PANK4: variants seen among roughly 807,000 people sequenced by gnomAD.
PANK4 encodes 4'-phosphopantetheine phosphatase.
PANK4 carries 40 observed loss-of-function variants against 87.9 expected under a neutral mutation model. The observed-to-expected ratio is 0.46, with a 90% confidence interval of 0.35 to 0.59. The LOEUF is 0.59. Among genes scored for constraint, PANK4 ranks in the 20% least tolerant of loss-of-function variants. The pLI is 0.00. For synonymous variants in PANK4, 524 were observed against 467.4 expected (o/e 1.12, Z -1.56); for missense variants, 926 against 1,072.3 (o/e 0.86, Z 1.90).
chr1:2,510,000 G>T lies in PANK4; in HGVS notation c.2039+57C>A. The T allele has an allele frequency of 6.3e-7, 1 of 1,575,666 alleles. No homozygotes were observed. The highest frequency in any genetic ancestry group is 8.7e-7 in the Non-Finnish European group (1 of 1,153,734). On this transcript the variant is annotated intron_variant, in intron 17 of 18. Coordinates refer to ENST00000378466, the MANE Select transcript of PANK4 (RefSeq NM_018216.4). This position sits in a 1 kb window ranked among gnomAD's most constrained non-coding sequence, Gnocchi z 4.9. The stretch of plus-strand genomic sequence containing the variant: ...AGTGACAATCCCCATGGCCCACTCT[G>T]CCCAGCTGGTGCCCCTCCCCATCAA...
rs1250409189 is a variant in PANK4 at position 2,515,559 on chromosome 1, C to T, written c.1374+3G>A. 4 of 1,612,352 alleles carry T rather than the reference C, an allele frequency of 2.5e-6. No individual in the cohort carries two copies. The highest frequency in any genetic ancestry group is 3.3e-5 in the Admixed American group (2 of 60,012). On this transcript the variant is annotated splice_donor_region_variant and intron_variant, in intron 10 of 18. Coordinates refer to ENST00000378466, the MANE Select transcript of PANK4 (RefSeq NM_018216.4). This position sits in a 1 kb window ranked among gnomAD's most constrained non-coding sequence, Gnocchi z 5.0. Reference sequence around the variant, plus strand: ...TCGTCTAGACGGCACCCGGAGCCCTCACCCCGTCCAGGGCCTCCTCAAAGC... The same window carrying T: ...TCGTCTAGACGGCACCCGGAGCCCTTACCCCGTCCAGGGCCTCCTCAAAGC...
In PANK4 at chr1:2,520,707, T is replaced by G. The variant is rs372162994; in HGVS notation, c.606+16A>C. 1.9e-6 allele frequency: 3 copies of G among 1,607,776 alleles called. No individual in the cohort carries two copies. The South Asian group carries it at 3.3e-5, about 18-fold the overall frequency. On this transcript the variant is annotated intron_variant, in intron 4 of 18. Coordinates refer to ENST00000378466, the MANE Select transcript of PANK4 (RefSeq NM_018216.4). This position sits in a 1 kb window ranked among gnomAD's most constrained non-coding sequence, Gnocchi z 6.2. ...GCTAAACCATCCACTCATTCATTCA[T>G]GAAGCCGGGTCTTACCTTCACGATG...
Position 2,520,994 on chromosome 1 carries a change from G to C in PANK4, c.423-88C>G. The C allele has an allele frequency of 6.5e-7, 1 of 1,527,558 alleles. No homozygotes were observed. Among genetic ancestry groups the C allele is most frequent in the East Asian group, 2.3e-5 (1 of 44,160 alleles). The allele number at this position is 1,527,558 out of a possible 1,614,324, so 94.6% of individuals were successfully genotyped here. A position where few individuals can be genotyped will look rare whatever the true frequency, so the allele number is the denominator to read the frequency against. ...CTGCCTGGTCCGAAGGGGCAGCCAT[G>C]CCCCATGCGCAATCTGACACACGAG... On this transcript the variant is annotated intron_variant, in intron 3 of 18. Coordinates refer to ENST00000378466, the MANE Select transcript of PANK4 (RefSeq NM_018216.4). This position sits in a 1 kb window ranked among gnomAD's most constrained non-coding sequence, Gnocchi z 6.2.
intron 1 of PANK4, chr1:2,525,634 G>C (rs777433093): frequency 6.6e-6 from 1 of 152,244 alleles, no homozygotes; most frequent in Non-Finnish European, 1.5e-5. Flanking sequence ...TCTGCGAAAA[G>C]GGAGTAATTC....
At chr1:2,523,244 G>T (rs113122996) in intron 1 of PANK4, among the ~76,000 whole-genome samples, 4 of 152,130 alleles carry the variant, frequency 2.6e-5, no homozygotes, top group African/African-American at 7.2e-5. Context: ...CTCCTGCCTG[G>T]TGGTGAGGGC....
In PANK4 at chr1:2,509,167, C is replaced by T; in HGVS notation, c.2109-107G>A. 1.1e-6 allele frequency: 1 copy of T among 877,322 alleles called. No individual in the cohort carries two copies. Among genetic ancestry groups the T allele is most frequent in the Admixed American group, 2.5e-5 (1 of 40,046 alleles). The allele number at this position is 877,322 out of a possible 1,614,324, so 54.3% of individuals were successfully genotyped here. ...GGCTGAAACCCCTACCGCTCAATTCCCTGATGTGGAGGCCTCCAAACCCAG... is the reference window on the plus strand; with the variant it reads ...GGCTGAAACCCCTACCGCTCAATTCTCTGATGTGGAGGCCTCCAAACCCAG... On this transcript the variant is annotated intron_variant, in intron 18 of 18. Coordinates refer to ENST00000378466, the MANE Select transcript of PANK4 (RefSeq NM_018216.4). The surrounding 1 kb of genome is among the most constrained non-coding windows in gnomAD (Gnocchi z 4.9).
chr1:2,515,360 G>C lies in PANK4; in HGVS notation c.1374+202C>G. 1.4e-6 allele frequency: 1 copy of C among 704,574 alleles called. No individual in the cohort carries two copies. The highest frequency in any genetic ancestry group is 2.6e-6 in the Non-Finnish European group (1 of 387,564). 43.6% of individuals were successfully genotyped at this position (704,574 alleles called of 1,614,324 possible). Reference sequence around the variant, plus strand: ...AAGCAACGTGCCTCGCAGACGCCACGTCCTCACTGACCCACCAGGTGGCCA... The same window carrying C: ...AAGCAACGTGCCTCGCAGACGCCACCTCCTCACTGACCCACCAGGTGGCCA... On this transcript the variant is annotated intron_variant, in intron 10 of 18. Transcript: ENST00000378466. This position sits in a 1 kb window ranked among gnomAD's most constrained non-coding sequence, Gnocchi z 5.0.
Position 2,520,802 on chromosome 1 carries a change from T to G in PANK4, c.527A>C (p.Glu176Ala). Residue 176 changes from glutamate to alanine, a missense_variant, in exon 4 of 19, where the codon GAG (glutamate) becomes GCG (alanine). Physicochemically the swap from Glu to Ala is moderately radical, Grantham distance 107. Transcript: ENST00000378466. The surrounding 1 kb of genome is among the most constrained non-coding windows in gnomAD (Gnocchi z 6.2). ...AFVYQKDSDP[E>A]FRFQTNHPHI... The stretch of plus-strand genomic sequence containing the variant: ...GGGGTGGTTGGTCTGGAACCGGAAC[T>G]CAGGGTCGGAATCCTTCTGGTACAC... The G allele has an allele frequency of 6.2e-7, 1 of 1,612,388 alleles. No homozygotes were observed. Among genetic ancestry groups the G allele is most frequent in the South Asian group, 1.1e-5 (1 of 90,882 alleles).
chr1:2,515,555 C>T lies in PANK4; in HGVS notation c.1374+7G>A, dbSNP rs1244889577. On this transcript the variant is annotated splice_region_variant and intron_variant, in intron 10 of 18. Transcript: ENST00000378466. The surrounding 1 kb of genome is among the most constrained non-coding windows in gnomAD (Gnocchi z 5.0). Reference sequence around the variant, plus strand: ...GGAATCGTCTAGACGGCACCCGGAGCCCTCACCCCGTCCAGGGCCTCCTCA... The same window carrying T: ...GGAATCGTCTAGACGGCACCCGGAGTCCTCACCCCGTCCAGGGCCTCCTCA... 3 of 1,612,110 alleles carry T rather than the reference C, an allele frequency of 1.9e-6. No individual in the cohort carries two copies. The highest frequency in any genetic ancestry group is 2.5e-6 in the Non-Finnish European group (3 of 1,179,638).
Position 2,510,438 on chromosome 1 carries a change from T to C in PANK4, c.1938+240A>G. The C allele has an allele frequency of 1.7e-6, 1 of 595,638 alleles. No homozygotes were observed. The highest frequency in any genetic ancestry group is 3.0e-6 in the Non-Finnish European group (1 of 334,550). The allele number at this position is 595,638 out of a possible 1,614,324, so 36.9% of individuals were successfully genotyped here. ...AAAGCCTCCTTGCTGTGAGCACCCT[T>C]CCAGGAGCCTGGCGTCAACCCTGGG... is the stretch of plus-strand genomic sequence containing the variant. On this transcript the variant is annotated intron_variant, in intron 16 of 18. Coordinates refer to ENST00000378466, the MANE Select transcript of PANK4 (RefSeq NM_018216.4). This position sits in a 1 kb window ranked among gnomAD's most constrained non-coding sequence, Gnocchi z 4.9.
At position 2,519,203 on chromosome 1, in the gene PANK4, AAAG is replaced by A; in HGVS notation, c.972_974del (p.Phe325del). ...GCATGGTCACGGGGTGGCCCCGGATAAAGAAGCCTCCAAAGTACACGCGGTCCA... is the reference window on the plus strand; with the variant it reads ...GCATGGTCACGGGGTGGCCCCGGATAAAGCCTCCAAAGTACACGCGGTCCA... On this transcript the variant is annotated inframe_deletion, in exon 7 of 19. Coordinates refer to ENST00000378466, the MANE Select transcript of PANK4 (RefSeq NM_018216.4). The surrounding 1 kb of genome is among the most constrained non-coding windows in gnomAD (Gnocchi z 8.3). 1 of 1,612,820 alleles carries A rather than the reference AAAG, an allele frequency of 6.2e-7. No individual in the cohort carries two copies. The highest frequency in any genetic ancestry group is 8.5e-7 in the Non-Finnish European group (1 of 1,179,932).
rs202136017 is a variant in PANK4 at position 2,509,085 on chromosome 1, G to C, written c.2109-25C>G. ...GCTTTGGGGAGGAAGAGGACGGTGAGACTGGGCAAGCAGACCCCAGACCCC... is the reference window on the plus strand; with the variant it reads ...GCTTTGGGGAGGAAGAGGACGGTGACACTGGGCAAGCAGACCCCAGACCCC... On this transcript the variant is annotated intron_variant, in intron 18 of 18. Coordinates refer to ENST00000378466, the MANE Select transcript of PANK4 (RefSeq NM_018216.4). This position sits in a 1 kb window ranked among gnomAD's most constrained non-coding sequence, Gnocchi z 4.9. The C allele has an allele frequency of 4.3e-3, 6,756 of 1,564,974 alleles. 29 individuals are homozygous for C. Among genetic ancestry groups the C allele is most frequent in the Middle Eastern group, 0.011 (51 of 4,458 alleles).
chr1:2,510,796 C>A lies in PANK4; in HGVS notation c.1834-14G>T. ...ATGAGGGGGCCCCTGTAAGACAAAA[C>A]CAGGACGTTCAGTTGGGAACAGGCG... On this transcript the variant is annotated splice_polypyrimidine_tract_variant and intron_variant, in intron 15 of 18. Transcript: ENST00000378466. The surrounding 1 kb of genome is among the most constrained non-coding windows in gnomAD (Gnocchi z 4.9). 1 of 1,486,924 alleles carries A rather than the reference C, an allele frequency of 6.7e-7. No individual in the cohort carries two copies. The highest frequency in any genetic ancestry group is 1.1e-5 in the South Asian group (1 of 88,568). 92.1% of individuals were successfully genotyped at this position (1,486,924 alleles called of 1,614,324 possible).
chr1:2,520,828 G>A lies in PANK4; in HGVS notation c.501C>T (p.Phe167=), dbSNP rs773473532. 2.5e-5 allele frequency: 40 copies of A among 1,606,526 alleles called. No homozygotes were observed. The highest frequency in any genetic ancestry group is 3.0e-5 in the Non-Finnish European group (35 of 1,176,710). ...FVLKNIPHEA[F]VYQKDSDPEF... The stretch of plus-strand genomic sequence containing the variant: ...CAGGGTCGGAATCCTTCTGGTACAC[G>A]AAGGCCTCATGGGGGATGTTCTTGA... The change falls in exon 4 of 19, where the codon TTC becomes TTT. Residue 167 remains phenylalanine, a synonymous_variant. Coordinates refer to ENST00000378466, the MANE Select transcript of PANK4 (RefSeq NM_018216.4). The surrounding 1 kb of genome is among the most constrained non-coding windows in gnomAD (Gnocchi z 6.2).
chr1:2,519,057 G>T lies in PANK4; in HGVS notation c.1035+86C>A. The T allele has an allele frequency of 7.8e-7, 1 of 1,279,626 alleles. No individual in the cohort carries two copies. The highest frequency in any genetic ancestry group is 1.1e-6 in the Non-Finnish European group (1 of 904,398). 79.3% of individuals were successfully genotyped at this position (1,279,626 alleles called of 1,614,324 possible). A position where few individuals can be genotyped will look rare whatever the true frequency, so the allele number is the denominator to read the frequency against. On this transcript the variant is annotated intron_variant, in intron 7 of 18. Transcript: ENST00000378466. The surrounding 1 kb of genome is among the most constrained non-coding windows in gnomAD (Gnocchi z 8.3). Reference sequence around the variant, plus strand: ...CCCCACCCTCCAGGCCTCCCTGGGGGTGCTGCGGTGTCTAACCAGCATGAC... The same window carrying T: ...CCCCACCCTCCAGGCCTCCCTGGGGTTGCTGCGGTGTCTAACCAGCATGAC...
chr1:2,510,286 C>A lies in PANK4; in HGVS notation c.1939-129G>T, dbSNP rs1643638959. 2 of 687,738 alleles carry A rather than the reference C, an allele frequency of 2.9e-6. No homozygotes were observed. Among genetic ancestry groups the A allele is most frequent in the Non-Finnish European group, 5.3e-6 (2 of 377,080 alleles). 42.6% of individuals were successfully genotyped at this position (687,738 alleles called of 1,614,324 possible). ...CCCAGCGGGCCTGGCCAGCCACCTG[C>A]TGCTGAGGAGCAGGGACCTCGCCTG... On this transcript the variant is annotated intron_variant, in intron 16 of 18. Transcript: ENST00000378466. This position sits in a 1 kb window ranked among gnomAD's most constrained non-coding sequence, Gnocchi z 4.9.
At chr1:2,524,402 C>T (rs1643902671) in intron 1 of PANK4, among the ~76,000 whole-genome samples, 1 of 152,342 alleles carries the variant, frequency 6.6e-6, no homozygotes, top group South Asian at 2.1e-4. Flanking sequence ...CGTGGCCTCC[C>T]AGCAGCTCGG....
chr1:2,520,012 C>T lies in PANK4; in HGVS notation c.700-58G>A. On this transcript the variant is annotated intron_variant, in intron 5 of 18. Transcript: ENST00000378466. This position sits in a 1 kb window ranked among gnomAD's most constrained non-coding sequence, Gnocchi z 6.2. ...CCAGGAGCTGCTGGAATCCCCACGA[C>T]CCCAGAAACCAAGCCCATGGCAGGA... is the stretch of plus-strand genomic sequence containing the variant. 1 of 1,474,890 alleles carries T rather than the reference C, an allele frequency of 6.8e-7. No homozygotes were observed. Among genetic ancestry groups the T allele is most frequent in the Non-Finnish European group, 9.1e-7 (1 of 1,099,506 alleles). 91.4% of individuals were successfully genotyped at this position (1,474,890 alleles called of 1,614,324 possible).
rs1379699884 is a variant in PANK4, at chr1:2,519,867, G to C, written c.787C>G (p.Gln263Glu). The C allele has an allele frequency of 1.3e-6, 2 of 1,569,576 alleles. No individual in the cohort carries two copies. Among genetic ancestry groups the C allele is most frequent in the Admixed American group, 3.7e-5 (2 of 53,562 alleles). The change falls in exon 6 of 19, where the codon CAG becomes GAG. Residue 263 changes from glutamine to glutamate, a missense_variant. Gln to Glu is a conservative substitution (Grantham distance 29). Coordinates refer to ENST00000378466, the MANE Select transcript of PANK4 (RefSeq NM_018216.4). The surrounding 1 kb of genome is among the most constrained non-coding windows in gnomAD (Gnocchi z 8.3). ...AGGTTCCCGCTCAGCCCGAGAGTCTGGTGGGCGCCGCCGTAGACGTCCCGC... is the reference window on the plus strand; with the variant it reads ...AGGTTCCCGCTCAGCCCGAGAGTCTCGTGGGCGCCGCCGTAGACGTCCCGC... ...LVRDVYGGAH[Q>E]TLGLSGNLIA...
Sources: allele counts gnomAD v4.1 joint callset (sites outside exome capture counted in the v4.1 genomes callset), GRCh38; gene constraint gnomAD v4.1.1; non-coding constraint Gnocchi (gnomAD v3.1); transcripts MANE v1.5; gene names NCBI Gene and HGNC (gene_info 2026-07-23, HGNC 2026-07-21).